The following SLC9D1 variants were observed in gnomAD, a reference collection of about 807,000 sequenced individuals.
SLC9D1 encodes putative LAG1-interacting protein.
the SLC9D1 span, chr13:113,520,483 C>CAAA: frequency 0.027 from 9,892 of 363,318 alleles, 62 homozygotes; most frequent in East Asian, 0.05. Context: ...AACTCCATCT[C>CAAA]AAAAAAAAAA....
At chr13:113,535,346 G>A in the SLC9D1 span, 4 of 152,040 alleles carry the variant, frequency 2.6e-5, no homozygotes, top group African/African-American at 9.7e-5. The surrounding 1 kb of genome is among the most constrained non-coding windows in gnomAD (Gnocchi z 4.1). Context: ...GATGCTCCTG[G>A]ACCCCCATAG....
the SLC9D1 span, among the ~76,000 whole-genome samples, chr13:113,506,546 C>CGT: frequency 3.7e-5 from 5 of 134,316 alleles, no homozygotes; most frequent in African/African-American, 1.6e-4. Flanking sequence ...GCAGCATGGG[C>CGT]GTGTGTGTGT....
chr13:113,525,990 CGG>C, the SLC9D1 span, among the ~76,000 whole-genome samples: 13 of 151,272 alleles, frequency 8.6e-5, no homozygotes, highest in South Asian at 2.1e-4. Flanking sequence ...AGCTCTGTGC[CGG>C]TTATTCTAGA....
At chr13:113,546,727 C>T in the SLC9D1 span, among the ~76,000 whole-genome samples, 1 of 152,148 alleles carries the variant, frequency 6.6e-6, no homozygotes, top group Non-Finnish European at 1.5e-5. This position sits in a 1 kb window ranked among gnomAD's most constrained non-coding sequence, Gnocchi z 7.1. Context: ...AGCCCAAGCT[C>T]AGGTCCAGCC....
chr13:113,517,905 C>T, the SLC9D1 span, among the ~76,000 whole-genome samples: 3 of 152,116 alleles, frequency 2.0e-5, no homozygotes, highest in Admixed American at 6.6e-5. Context: ...AAGGGGTTTA[C>T]AGAGCTCCTT....
At chr13:113,519,938 T>C in the SLC9D1 span, among the ~76,000 whole-genome samples, 1 of 152,202 alleles carries the variant, frequency 6.6e-6, no homozygotes, top group Non-Finnish European at 1.5e-5. Flanking sequence ...CTACCTGGAG[T>C]AGCTCAGGGA....
the SLC9D1 span, among the ~76,000 whole-genome samples, chr13:113,518,233 C>T: frequency 6.6e-6 from 1 of 152,162 alleles, no homozygotes; most frequent in African/African-American, 2.4e-5. Context: ...GTGCCCGTCA[C>T]TACTCCGAGC....
the SLC9D1 span, chr13:113,524,167 A>C: frequency 2.2e-6 from 1 of 456,464 alleles, no homozygotes; most frequent in South Asian, 1.5e-5. Flanking sequence ...TAGTTGTATC[A>C]GTTGTTGAGG....
At chr13:113,493,253 G>T in the SLC9D1 span, among the ~76,000 whole-genome samples, 1 of 152,184 alleles carries the variant, frequency 6.6e-6, no homozygotes, top group African/African-American at 2.4e-5. Context: ...GAACATAGAG[G>T]TGTCATTCAC....
chr13:113,510,406 G>T, the SLC9D1 span: 1 of 1,612,700 alleles, frequency 6.2e-7, no homozygotes, highest in Non-Finnish European at 8.5e-7. Flanking sequence ...CATGGGCAGT[G>T]CTCGGGGTGA....
chr13:113,507,875 C>T, the SLC9D1 span, among the ~76,000 whole-genome samples: 1 of 152,240 alleles, frequency 6.6e-6, no homozygotes, highest in Non-Finnish European at 1.5e-5. Context: ...TTTGGGATTT[C>T]AGGAGAATGT....
the SLC9D1 span, among the ~76,000 whole-genome samples, chr13:113,491,718 GGACTCGGGGCC>G: frequency 1.3e-5 from 2 of 152,208 alleles, no homozygotes; most frequent in Non-Finnish European, 2.9e-5. Flanking sequence ...CCGCCCGGGT[GGACTCGGGGCC>G]TCCAGGGCCG....
chr13:113,529,602 A>T, the SLC9D1 span: 2 of 152,184 alleles, frequency 1.3e-5, no homozygotes, highest in African/African-American at 2.4e-5. Flanking sequence ...GTGAGCTGAG[A>T]TCACGACACT....
chr13:113,547,902 A>G, the SLC9D1 span, among the ~76,000 whole-genome samples: 313 of 101,080 alleles, frequency 3.1e-3, 1 homozygote, highest in African/African-American at 0.013. Flanking sequence ...GCTCTTAGCT[A>G]CTCGGCCCAA....
At chr13:113,542,856 C>T in the SLC9D1 span, among the ~76,000 whole-genome samples, 63 of 152,220 alleles carry the variant, frequency 4.1e-4, no homozygotes, top group African/African-American at 1.5e-3. Context: ...CATAAATAGC[C>T]GAGGCAGTCC....
At chr13:113,495,880 A>G in the SLC9D1 span, 6 of 1,614,228 alleles carry the variant, frequency 3.7e-6, no homozygotes, top group South Asian at 5.5e-5. Context: ...GAAATTTTCC[A>G]GAAAGAGCTG....
chr13:113,534,140 A>G, the SLC9D1 span: 1 of 1,613,340 alleles, frequency 6.2e-7, no homozygotes, highest in African/African-American at 1.3e-5. Context: ...ATAAAGAAGT[A>G]TCTCATTGGA....
the SLC9D1 span, chr13:113,503,530 G>A: frequency 6.2e-7 from 1 of 1,613,774 alleles, no homozygotes; most frequent in Admixed American, 1.7e-5. Context: ...GGAGAATTTG[G>A]GGTGTTTTTT....
chr13:113,518,047 T>C, the SLC9D1 span, among the ~76,000 whole-genome samples: 1 of 152,178 alleles, frequency 6.6e-6, no homozygotes, highest in Non-Finnish European at 1.5e-5. Context: ...TTAAACTGTT[T>C]AATAAAAGGA....
Sources: allele counts gnomAD v4.1 joint callset (sites outside exome capture counted in the v4.1 genomes callset), GRCh38; gene constraint gnomAD v4.1.1; non-coding constraint Gnocchi (gnomAD v3.1); transcripts MANE v1.5; gene names NCBI Gene and HGNC (gene_info 2026-07-23, HGNC 2026-07-21).